Variants in FAM162A observed in about 807,000 individuals in gnomAD.
FAM162A encodes family with sequence similarity 162 member A, also known as protein FAM162A.
A neutral mutation model predicts 21.8 loss-of-function variants in FAM162A; 23 were observed. That is an observed-to-expected ratio of 1.05 (90% CI 0.76 to 1.49). The LOEUF (loss-of-function observed/expected upper bound fraction) is 1.49. Among genes scored for constraint, FAM162A ranks in the 40% most tolerant of loss-of-function variants. The probability of loss-of-function intolerance (pLI) is 0.00; values close to 1 mark genes in which losing one functional copy is unlikely to be tolerated. For missense variants in FAM162A, 165 were observed against 186.4 expected (o/e 0.89, Z 0.67); for synonymous variants, 53 against 61.3 (o/e 0.86, Z 0.64).
At chr3:122,408,053 C>T (rs1335295502) in intron 4 of FAM162A, 2 of 152,136 alleles carry the variant, frequency 1.3e-5, no homozygotes, top group East Asian at 1.9e-4. Flanking sequence ...TAGTAACTTG[C>T]CCAAGGCCAC....
chr3:122,407,400 G>T lies in FAM162A; in HGVS notation c.372+11G>T, dbSNP rs374129171. On this transcript the variant is annotated intron_variant, in intron 4 of 4. Transcript: ENST00000477892. ...ATTGAGGGCAAGAAGGTGAGAAGGG[G>T]TTTCTTCTCTATCCAGTATGTATGT... The T allele has an allele frequency of 6.3e-7, 1 of 1,586,064 alleles. No homozygotes were observed. The highest frequency in any genetic ancestry group is 1.1e-5 in the South Asian group (1 of 90,492).
At chr3:122,403,765 C>T (rs1295328995) in intron 2 of FAM162A, among the ~76,000 whole-genome samples, 1 of 152,156 alleles carries the variant, frequency 6.6e-6, no homozygotes, top group Non-Finnish European at 1.5e-5. Context: ...CTCAGACTGA[C>T]CTCATCTCTC....
At chr3:122,401,878 T>A (rs2075655166) in intron 1 of FAM162A, among the ~76,000 whole-genome samples, 1 of 152,204 alleles carries the variant, frequency 6.6e-6, no homozygotes, top group Admixed American at 6.5e-5. Flanking sequence ...CTTTGTCAGA[T>A]GCATAGTTTG....
At chr3:122,405,535 A>C (rs547049865) in intron 3 of FAM162A, among the ~76,000 whole-genome samples, 2 of 152,314 alleles carry the variant, frequency 1.3e-5, no homozygotes, top group African/African-American at 4.8e-5. Context: ...CCTATGCCCT[A>C]ATTCTTCCTA....
At chr3:122,397,639 A>G (rs1328153025) in intron 1 of FAM162A, among the ~76,000 whole-genome samples, 1 of 152,048 alleles carries the variant, frequency 6.6e-6, no homozygotes, top group Non-Finnish European at 1.5e-5. Flanking sequence ...CTGCACCACA[A>G]TCCCAAGATC....
intron 1 of FAM162A, among the ~76,000 whole-genome samples, chr3:122,387,824 A>C (rs951624682): frequency 6.6e-6 from 1 of 152,154 alleles, no homozygotes; most frequent in African/African-American, 2.4e-5. Context: ...ATTGGCTTCA[A>C]GAATTCTGAG....
chr3:122,409,550 GA>G, intron 4 of FAM162A, among the ~76,000 whole-genome samples, 188 bp from the exon 5 acceptor site: 1 of 152,240 alleles, frequency 6.6e-6, no homozygotes, highest in South Asian at 2.1e-4. Context: ...TGCTTGAGTG[GA>G]TGAGCTGCTG....
At chr3:122,384,370 C>A in intron 1 of FAM162A, 71 bp downstream of exon 1, 1 of 1,516,294 alleles carries the variant, frequency 6.6e-7, no homozygotes, top group African/African-American at 1.4e-5. Context: ...AATCCTGAAG[C>A]CTTCCTGGGC....
rs2075697709 is a variant in FAM162A, at chr3:122,410,097, A to C, written c.*266A>C. ...ATTTCAACTTGAATACCAACTCTTC[A>C]GAGAAGCAGGTACCATATCTTACTT... is the stretch of plus-strand genomic sequence containing the variant. On this transcript the variant is annotated 3_prime_UTR_variant, in exon 5 of 5. Coordinates refer to ENST00000477892, the MANE Select transcript of FAM162A (RefSeq NM_014367.4). 4.6e-6 allele frequency: 2 copies of C among 430,138 alleles called. No homozygotes were observed. The highest frequency in any genetic ancestry group is 4.2e-5 in the South Asian group (2 of 47,898). 26.6% of individuals were successfully genotyped at this position (430,138 alleles called of 1,614,324 possible).
At chr3:122,408,757 A>G (rs770379344) in intron 4 of FAM162A, among the ~76,000 whole-genome samples, 1 of 152,220 alleles carries the variant, frequency 6.6e-6, no homozygotes, top group Non-Finnish European at 1.5e-5. Context: ...ACTCGATTGT[A>G]CTAGCTGAGT....
At chr3:122,388,041 C>CA (rs951549618) in intron 1 of FAM162A, among the ~76,000 whole-genome samples, 13 of 151,834 alleles carry the variant, frequency 8.6e-5, no homozygotes, top group African/African-American at 2.9e-4. Context: ...GAATTTGGAC[C>CA]AAAAAAACCT....
chr3:122,388,284 T>G (rs1273834595), intron 1 of FAM162A, among the ~76,000 whole-genome samples: 1 of 152,170 alleles, frequency 6.6e-6, no homozygotes, highest in Non-Finnish European at 1.5e-5. Context: ...AAGTATTGCC[T>G]CATTGTCAGA....
chr3:122,403,021 G>A (rs1013179803), intron 2 of FAM162A, 139 bp downstream of exon 2: 7 of 993,232 alleles, frequency 7.0e-6, no homozygotes, highest in African/African-American at 6.6e-5. Flanking sequence ...TTCACATTGT[G>A]CATGTGCACA....
intron 1 of FAM162A, among the ~76,000 whole-genome samples, chr3:122,388,328 A>G (rs184352236): frequency 6.6e-5 from 10 of 152,360 alleles, no homozygotes; most frequent in Non-Finnish European, 1.0e-4. Context: ...CAGAAACGCC[A>G]TCAAAGATTT....
chr3:122,386,294 A>C (rs749983781), intron 1 of FAM162A, among the ~76,000 whole-genome samples: 10 of 152,210 alleles, frequency 6.6e-5, no homozygotes, highest in Non-Finnish European at 1.2e-4. Context: ...CACACCTGCT[A>C]TCCCAGCACT....
Position 122,407,344 on chromosome 3 carries a change from C to T in FAM162A, c.327C>T (p.Ala109=). 5 of 1,613,686 alleles carry T rather than the reference C, an allele frequency of 3.1e-6. No homozygotes were observed. Among genetic ancestry groups the T allele is most frequent in the Non-Finnish European group, 4.2e-6 (5 of 1,179,888 alleles). ...MRVKISYLMI[A]LTVVGCIFMV... ...TGAAGATCAGCTATCTAATGATTGCCCTGACGGTGGTAGGATGCATCTTCA... is the reference window on the plus strand; with the variant it reads ...TGAAGATCAGCTATCTAATGATTGCTCTGACGGTGGTAGGATGCATCTTCA... The change falls in exon 4 of 5, where the codon GCC becomes GCT. Residue 109 remains alanine, a synonymous_variant. Transcript: ENST00000477892.
intron 1 of FAM162A, among the ~76,000 whole-genome samples, chr3:122,385,518 C>T (rs1183088114): frequency 6.6e-6 from 1 of 152,176 alleles, no homozygotes; most frequent in Non-Finnish European, 1.5e-5. Context: ...AAATGGACTG[C>T]ATGAAAAGAA....
Position 122,384,243 on chromosome 3 carries a change from G to T in FAM162A, c.-23G>T. On this transcript the variant is annotated 5_prime_UTR_variant, in exon 1 of 5. Coordinates refer to ENST00000477892, the MANE Select transcript of FAM162A (RefSeq NM_014367.4). ...ACCGTCCCCGGCGAAGTTCTGCGCT[G>T]GTCGGCGGAGTAGCAAGTGGCCATG... 3 of 1,566,026 alleles carry T rather than the reference G, an allele frequency of 1.9e-6. No individual in the cohort carries two copies. The highest frequency in any genetic ancestry group is 1.2e-5 in the South Asian group (1 of 84,980).
chr3:122,386,438 A>G (rs1394274075), intron 1 of FAM162A, among the ~76,000 whole-genome samples: 1 of 152,078 alleles, frequency 6.6e-6, no homozygotes, highest in Admixed American at 6.6e-5. Flanking sequence ...CCATAGTCTC[A>G]GCTACTCAGG....
Sources: allele counts gnomAD v4.1 joint callset (sites outside exome capture counted in the v4.1 genomes callset), GRCh38; gene constraint gnomAD v4.1.1; transcripts MANE v1.5; gene names NCBI Gene and HGNC (gene_info 2026-07-23, HGNC 2026-07-21).